KCNMB2: variants seen among roughly 807,000 people sequenced by gnomAD.
KCNMB2 encodes calcium-activated potassium channel subunit beta-2.
KCNMB2 carries 9 observed loss-of-function variants against 24.5 expected under a neutral mutation model. That is an observed-to-expected ratio of 0.37 (90% CI 0.22 to 0.64). KCNMB2 has a LOEUF of 0.64. KCNMB2 is among the 30% of genes least tolerant of loss of function. The pLI, the probability that KCNMB2 is intolerant of heterozygous loss-of-function variation, is 0.63. For missense variants in KCNMB2, 226 were observed against 284.3 expected, an observed-to-expected ratio of 0.79 and a Z score of 1.47; for synonymous variants, 109 against 104.4, an observed-to-expected ratio of 1.04 and a Z score of -0.27.
At chr3:178,549,241 G>A (rs987194185) in intron 1 of KCNMB2, among the ~76,000 whole-genome samples, 9 of 151,824 alleles carry the variant, frequency 5.9e-5, no homozygotes, top group Non-Finnish European at 1.2e-4. Flanking sequence ...GAAATAGAGA[G>A]AAGAGAGAAA....
intron 1 of KCNMB2, among the ~76,000 whole-genome samples, chr3:178,658,070 T>C (rs765073248): frequency 5.1e-4 from 78 of 152,234 alleles, no homozygotes; most frequent in Non-Finnish European, 9.6e-4. Flanking sequence ...GATCCAGTCC[T>C]ATTTTGCCAT....
chr3:178,716,589 A>G (rs1483886245), intron 1 of KCNMB2, among the ~76,000 whole-genome samples: 1 of 152,030 alleles, frequency 6.6e-6, no homozygotes, highest in Non-Finnish European at 1.5e-5. Context: ...GATTACACGC[A>G]TGCTCCACCA....
At chr3:178,814,603 G>T (rs1714331423) in intron 2 of KCNMB2, among the ~76,000 whole-genome samples, 1 of 152,116 alleles carries the variant, frequency 6.6e-6, no homozygotes, top group Admixed American at 6.5e-5. Flanking sequence ...CACCAATAGT[G>T]CCTAAGTGTT....
intron 1 of KCNMB2, among the ~76,000 whole-genome samples, chr3:178,673,315 A>AT (rs1720968195): frequency 6.6e-6 from 1 of 152,152 alleles, no homozygotes; most frequent in African/African-American, 2.4e-5. Flanking sequence ...CCTAAGGGAA[A>AT]ATATATTATT....
chr3:178,692,180 C>T (rs890216021), intron 1 of KCNMB2, among the ~76,000 whole-genome samples: 1 of 152,032 alleles, frequency 6.6e-6, no homozygotes, highest in African/African-American at 2.4e-5. Flanking sequence ...AATTTTTCTC[C>T]CATTCTGTAG....
intron 1 of KCNMB2, among the ~76,000 whole-genome samples, chr3:178,610,064 T>G (rs1462679831): frequency 6.6e-6 from 1 of 152,242 alleles, no homozygotes; most frequent in Non-Finnish European, 1.5e-5. Context: ...CTTTACACCT[T>G]TGTCAAAAAT....
intron 1 of KCNMB2, among the ~76,000 whole-genome samples, chr3:178,707,055 T>C (rs757923275): frequency 6.6e-6 from 1 of 152,082 alleles, no homozygotes; most frequent in Non-Finnish European, 1.5e-5. Context: ...AAAGAATACT[T>C]AGTCTCTTTC....
At chr3:178,548,268 A>G (rs1715839043) in intron 1 of KCNMB2, among the ~76,000 whole-genome samples, 1 of 152,194 alleles carries the variant, frequency 6.6e-6, no homozygotes, top group South Asian at 2.1e-4. Flanking sequence ...ACCAAATACT[A>G]TAGATAGATC....
intron 1 of KCNMB2, among the ~76,000 whole-genome samples, chr3:178,666,700 A>T (rs2108577002): frequency 6.6e-6 from 1 of 152,288 alleles, no homozygotes; most frequent in East Asian, 1.9e-4. Flanking sequence ...TGAACAAGGC[A>T]CTGTGAAAAA....
intron 1 of KCNMB2, among the ~76,000 whole-genome samples, chr3:178,592,220 A>G (rs1214088264): frequency 6.6e-6 from 1 of 152,166 alleles, no homozygotes; most frequent in Non-Finnish European, 1.5e-5. Flanking sequence ...AGGCTACATA[A>G]TGTGTGATCT....
At chr3:178,550,679 A>G (rs191371424) in intron 1 of KCNMB2, among the ~76,000 whole-genome samples, 1 of 152,300 alleles carries the variant, frequency 6.6e-6, no homozygotes, top group Admixed American at 6.5e-5. Context: ...AGCTCTAAGA[A>G]GGAACATCAG....
At chr3:178,558,712 G>A (rs1716208923) in intron 1 of KCNMB2, 1 of 152,076 alleles carries the variant, frequency 6.6e-6, no homozygotes, top group Non-Finnish European at 1.5e-5. Context: ...GTGCTTCAGT[G>A]GGCTTTTCAC....
At chr3:178,753,491 A>G (rs979222956) in intron 1 of KCNMB2, among the ~76,000 whole-genome samples, 4 of 152,208 alleles carry the variant, frequency 2.6e-5, no homozygotes, top group Non-Finnish European at 4.4e-5. Flanking sequence ...GCATTTACAA[A>G]AATGCCTGGG....
At chr3:178,562,123 G>T (rs150331151) in intron 1 of KCNMB2, among the ~76,000 whole-genome samples, 178 of 152,296 alleles carry the variant, frequency 1.2e-3, no homozygotes, top group African/African-American at 4.1e-3. Context: ...TGGGTTCTTT[G>T]CCTACCTTTC....
intron 1 of KCNMB2, among the ~76,000 whole-genome samples, chr3:178,614,134 T>C (rs1228212117): frequency 7.2e-6 from 1 of 139,678 alleles, no homozygotes; most frequent in African/African-American, 2.5e-5. Context: ...TTTTCAACTC[T>C]AGAATTTCTG....
intron 1 of KCNMB2, among the ~76,000 whole-genome samples, chr3:178,587,423 T>C (rs1463853115): frequency 1.3e-5 from 2 of 151,990 alleles, no homozygotes; most frequent in Non-Finnish European, 2.9e-5. Flanking sequence ...TCTTTTCCAG[T>C]AATTTTTTCT....
intron 4 of KCNMB2, among the ~76,000 whole-genome samples, chr3:178,841,238 C>A (rs1715416605): frequency 6.6e-6 from 1 of 152,230 alleles, no homozygotes; most frequent in Non-Finnish European, 1.5e-5. Flanking sequence ...TCATCTCCAT[C>A]TGAAACTACC....
chr3:178,715,330 T>C (rs1722583919), intron 1 of KCNMB2, among the ~76,000 whole-genome samples: 1 of 151,994 alleles, frequency 6.6e-6, no homozygotes, highest in African/African-American at 2.4e-5. Context: ...TATAGTTTTT[T>C]CTATTGTCTT....
At chr3:178,630,147 T>G (rs1560138967) in intron 1 of KCNMB2, among the ~76,000 whole-genome samples, 1 of 152,186 alleles carries the variant, frequency 6.6e-6, no homozygotes, top group Admixed American at 6.5e-5. Context: ...GCGCTTCTTT[T>G]AAGAGACTCT....
Sources: allele counts gnomAD v4.1 joint callset (sites outside exome capture counted in the v4.1 genomes callset), GRCh38; gene constraint gnomAD v4.1.1; transcripts MANE v1.5; gene names NCBI Gene and HGNC (gene_info 2026-07-23, HGNC 2026-07-21).